Variants in GBP4 observed in about 807,000 individuals in gnomAD.
GBP4 encodes the protein guanylate binding protein 4.
GBP4 carries 69 observed loss-of-function variants against 62.2 expected under a neutral mutation model. That is an observed-to-expected ratio of 1.11 (90% CI 0.91 to 1.36). The LOEUF is 1.36. Among genes scored for constraint, GBP4 ranks in the 40% most tolerant of loss-of-function variants. The probability of loss-of-function intolerance (pLI) is 0.00; values close to 1 mark genes in which losing one functional copy is unlikely to be tolerated. For missense variants in GBP4, 697 were observed against 759.3 expected, an observed-to-expected ratio of 0.92 and a Z score of 0.96; for synonymous variants, 278 against 274.6, an observed-to-expected ratio of 1.01 and a Z score of -0.12.
intron 2 of GBP4, among the ~76,000 whole-genome samples, chr1:89,196,289 A>G (rs1011581818): frequency 6.6e-6 from 1 of 152,220 alleles, no homozygotes; most frequent in Non-Finnish European, 1.5e-5. Flanking sequence ...CTTCTTATTG[A>G]GCAAAAGAAG....
chr1:89,198,342 GA>G (rs1648402920), intron 1 of GBP4, among the ~76,000 whole-genome samples: 1 of 152,124 alleles, frequency 6.6e-6, no homozygotes, highest in South Asian at 2.1e-4. Flanking sequence ...GGCTGCAAGT[GA>G]AGGAGCCGAG....
At position 89,181,408 on chromosome 1, in the gene GBP4, ACTT is replaced by A. The variant is rs888639463; in HGVS notation, c.*3843_*3845del. ...GTTAAGGCAGGAACAGGCCATTTTC[ACTT>A]CTTTTGTGATTCTTCACTTGCTTCA... On this transcript the variant is annotated 3_prime_UTR_variant, in exon 11 of 11. Transcript: ENST00000355754. 10 of 152,122 alleles carry A rather than the reference ACTT, an allele frequency of 6.6e-5. No homozygotes were observed. The highest frequency in any genetic ancestry group is 2.4e-4 in the African/African-American group (10 of 41,406). 9.4% of individuals were successfully genotyped at this position (152,122 alleles called of 1,614,324 possible).
intron 2 of GBP4, among the ~76,000 whole-genome samples, 176 bp downstream of exon 2, chr1:89,196,934 T>A (rs1430858886): frequency 1.3e-5 from 2 of 152,230 alleles, no homozygotes; most frequent in Non-Finnish European, 2.9e-5. Flanking sequence ...GATGATTCTT[T>A]ACTATTGGAC....
chr1:89,183,778 G>A lies in GBP4; in HGVS notation c.*1476C>T, dbSNP rs1459825539. 6.6e-6 allele frequency: 1 copy of A among 152,280 alleles called. No individual in the cohort carries two copies. Among genetic ancestry groups the A allele is most frequent in the Non-Finnish European group, 1.5e-5 (1 of 68,100 alleles). The allele number at this position is 152,280 out of a possible 1,614,324, so 9.4% of individuals were successfully genotyped here. On this transcript the variant is annotated 3_prime_UTR_variant, in exon 11 of 11. Coordinates refer to ENST00000355754, the MANE Select transcript of GBP4 (RefSeq NM_052941.5). ...ACCTGTAGTCCCAGCTATGTGGGGGGTTGAGGTGAAAGGACTGCTTGAGCC... is the reference window on the plus strand; with the variant it reads ...ACCTGTAGTCCCAGCTATGTGGGGGATTGAGGTGAAAGGACTGCTTGAGCC...
rs1647872037 is a variant in GBP4 at position 89,181,254 on chromosome 1, G to A, written c.*4000C>T. On this transcript the variant is annotated 3_prime_UTR_variant, in exon 11 of 11. Coordinates refer to ENST00000355754, the MANE Select transcript of GBP4 (RefSeq NM_052941.5). ...GGACCATTTTACAGGATTTGGGTTG[G>A]TAAAGGAAAATTACAGTCAAAGGGG... 6.6e-6 allele frequency: 1 copy of A among 152,066 alleles called. No homozygotes were observed. Among genetic ancestry groups the A allele is most frequent in the Admixed American group, 6.5e-5 (1 of 15,270 alleles). The allele number at this position is 152,066 out of a possible 1,614,324, so 9.4% of individuals were successfully genotyped here.
Position 89,182,702 on chromosome 1 carries a change from G to C in GBP4, c.*2552C>G, listed in dbSNP as rs1192007562. ...TCACCGTGTTAGCCAGGATGGTCTC[G>C]ATCTCCTGACCTCGTGATCCACCCG... On this transcript the variant is annotated 3_prime_UTR_variant, in exon 11 of 11. Coordinates refer to ENST00000355754, the MANE Select transcript of GBP4 (RefSeq NM_052941.5). The C allele has an allele frequency of 6.6e-6, 1 of 152,012 alleles. No individual in the cohort carries two copies. Among genetic ancestry groups the C allele is most frequent in the East Asian group, 1.9e-4 (1 of 5,166 alleles). 9.4% of individuals were successfully genotyped at this position (152,012 alleles called of 1,614,324 possible). A position where few individuals can be genotyped will look rare whatever the true frequency, so the allele number is the denominator to read the frequency against.
intron 5 of GBP4, among the ~76,000 whole-genome samples, chr1:89,192,607 T>C (rs1405538046): frequency 2.0e-5 from 3 of 152,202 alleles, no homozygotes; most frequent in Non-Finnish European, 2.9e-5. Flanking sequence ...AGTCTTAGGA[T>C]GTGATAATAT....
chr1:89,196,066 C>G (rs1370429468), intron 2 of GBP4, among the ~76,000 whole-genome samples: 1 of 152,094 alleles, frequency 6.6e-6, no homozygotes, highest in African/African-American at 2.4e-5. Flanking sequence ...ATTCAGAAAT[C>G]CCACTTCTGA....
chr1:89,195,268 C>T (rs1307541709), intron 3 of GBP4, 29 bp downstream of exon 3: 1 of 1,611,318 alleles, frequency 6.2e-7, no homozygotes, highest in Middle Eastern at 1.7e-4. Flanking sequence ...GAGAGGTCAA[C>T]CATGAGCGGT....
chr1:89,189,474 C>A (rs767951655), intron 7 of GBP4, among the ~76,000 whole-genome samples: 1 of 152,160 alleles, frequency 6.6e-6, no homozygotes, highest in Non-Finnish European at 1.5e-5. Flanking sequence ...GTTCCTGGGC[C>A]TATGAATATG....
chr1:89,197,391 T>G, intron 1 of GBP4, 87 bp from the exon 2 acceptor site: 1 of 1,036,098 alleles, frequency 9.7e-7, no homozygotes, highest in Non-Finnish European at 1.4e-6. Flanking sequence ...TATTAGCTTT[T>G]TGCTTGTGGA....
chr1:89,196,607 T>C lies in GBP4; in HGVS notation c.235+503A>G, dbSNP rs1018223708. Among the ~76,000 whole-genome samples, 9 of 152,252 alleles carry C rather than the reference T, an allele frequency of 5.9e-5. No homozygotes were observed. In the South Asian group the frequency reaches 1.2e-3, roughly 21 times the overall value. On this transcript the variant is annotated intron_variant, in intron 2 of 10. Coordinates refer to ENST00000355754, the MANE Select transcript of GBP4 (RefSeq NM_052941.5). ...ACATACTCTTCTTTATGTGTCATAG[T>C]TCACATATTAGAAAGACTAACTAGA...
Position 89,195,551 on chromosome 1 carries a change from G to A in GBP4, c.236-127C>T, listed in dbSNP as rs1158785341. Reference sequence around the variant, plus strand: ...GGGAAAAGGGTTGTTTCCATCTCAGGCAGGACAACTAATCTGACCTTTATA... The same window carrying A: ...GGGAAAAGGGTTGTTTCCATCTCAGACAGGACAACTAATCTGACCTTTATA... On this transcript the variant is annotated intron_variant, in intron 2 of 10. Transcript: ENST00000355754. 4 of 1,051,152 alleles carry A rather than the reference G, an allele frequency of 3.8e-6. No individual in the cohort carries two copies. The Admixed American group carries it at 1.0e-4, about 27-fold the overall frequency. The allele number at this position is 1,051,152 out of a possible 1,614,324, so 65.1% of individuals were successfully genotyped here. A position where few individuals can be genotyped will look rare whatever the true frequency, so the allele number is the denominator to read the frequency against.
chr1:89,196,471 A>G (rs1011048665), intron 2 of GBP4, among the ~76,000 whole-genome samples: 5 of 152,214 alleles, frequency 3.3e-5, no homozygotes, highest in Non-Finnish European at 7.3e-5. Flanking sequence ...TAGTGAAGGT[A>G]TGACAGGGTA....
chr1:89,197,139 A>C lies in GBP4; in HGVS notation c.206T>G (p.Leu69Arg), dbSNP rs775814255. The C allele has an allele frequency of 6.2e-7, 1 of 1,613,614 alleles. No homozygotes were observed. The highest frequency in any genetic ancestry group is 1.3e-5 in the African/African-American group (1 of 75,028). Residue 69 changes from leucine (L) to arginine (R), a missense_variant, in exon 2 of 11, where the codon CTC becomes CGC. Around this residue, in one of 2 missense-constraint regions of GBP4, gnomAD observed 556 missense variants for 562.7 expected, o/e 0.99. Coordinates refer to ENST00000355754, the MANE Select transcript of GBP4 (RefSeq NM_052941.5). ...VGLYRTGKSY[L>R]MNRLAGKRNG... is the part of the protein sequence containing the mutation. ...GCGCTTTCCTGCAAGACGATTCATG[A>C]GATAGGATTTTCCTGTGCGGTATAG... is the stretch of plus-strand genomic sequence containing the variant.
rs947054366 is a variant in GBP4 at position 89,184,500 on chromosome 1, A to C, written c.*754T>G. ...TGAAAATGTGGTATATACAAACACC[A>C]TGGAATACTATGCAGCCATAAAAAA... On this transcript the variant is annotated 3_prime_UTR_variant, in exon 11 of 11. Coordinates refer to ENST00000355754, the MANE Select transcript of GBP4 (RefSeq NM_052941.5). 12 of 152,274 alleles carry C rather than the reference A, an allele frequency of 7.9e-5. No homozygotes were observed. Among genetic ancestry groups the C allele is most frequent in the African/African-American group, 2.9e-4 (12 of 41,470 alleles). 9.4% of individuals were successfully genotyped at this position (152,274 alleles called of 1,614,324 possible).
chr1:89,189,639 CAT>C (rs1648127378), intron 7 of GBP4, among the ~76,000 whole-genome samples: 1 of 152,192 alleles, frequency 6.6e-6, no homozygotes, highest in Non-Finnish European at 1.5e-5. Context: ...AAATTAGAAA[CAT>C]AAGGATTTCA....
At chr1:89,194,879 G>T (rs1473807375) in intron 3 of GBP4, among the ~76,000 whole-genome samples, 1 of 152,092 alleles carries the variant, frequency 6.6e-6, no homozygotes, top group Non-Finnish European at 1.5e-5. Context: ...GTTCCCATGG[G>T]TTACAACTTT....
In GBP4 at chr1:89,195,824, A is replaced by G. The variant is rs915318676; in HGVS notation, c.236-400T>C. Among the ~76,000 whole-genome samples, 10 of 152,230 alleles carry G rather than the reference A, an allele frequency of 6.6e-5. No individual in the cohort carries two copies. The East Asian group carries it at 9.6e-4, about 15-fold the overall frequency. ...AATAATTTAAAAAAAAAGCTTTCAC[A>G]AAATAAGAAATGAAAATGGCAATTG... is the stretch of plus-strand genomic sequence containing the variant. On this transcript the variant is annotated intron_variant, in intron 2 of 10. Transcript: ENST00000355754.
Sources: allele counts gnomAD v4.1 joint callset (sites outside exome capture counted in the v4.1 genomes callset), GRCh38; gene constraint gnomAD v4.1.1; regional missense constraint gnomAD v4.1.1; transcripts MANE v1.5; gene names NCBI Gene and HGNC (gene_info 2026-07-23, HGNC 2026-07-21).